The following ABCC9 variants were observed in gnomAD, a reference collection of about 807,000 sequenced individuals.
The protein encoded by ABCC9 is ATP binding cassette subfamily C member 9, also known as ATP-binding cassette sub-family C member 9.
A neutral mutation model predicts 188.3 loss-of-function variants in ABCC9; 95 were observed. The observed-to-expected ratio is 0.50, with a 90% CI of 0.43 to 0.60. The LOEUF (loss-of-function observed/expected upper bound fraction) is 0.60. Ranked by LOEUF, ABCC9 falls within the 20% of genes least tolerant of loss-of-function variation. The pLI is 0.00. For missense variants in ABCC9, 1,102 were observed against 1,876.3 expected, an observed-to-expected ratio of 0.59 and a Z score of 7.62; for synonymous variants, 659 against 652.7, an observed-to-expected ratio of 1.01 and a Z score of -0.15.
At chr12:21,890,820 T>C (rs1251327478) in intron 14 of ABCC9, among the ~76,000 whole-genome samples, 2 of 94,722 alleles carry the variant, frequency 2.1e-5, no homozygotes, top group Admixed American at 1.3e-4. Context: ...GGGACTGTTG[T>C]GGGGTGGGGG....
At chr12:21,888,090 C>A in intron 14 of ABCC9, 156 bp from the exon 15 acceptor site, 1 of 670,134 alleles carries the variant, frequency 1.5e-6, no homozygotes, top group Non-Finnish European at 2.7e-6. Context: ...CTAGATCGAC[C>A]AAACATCCTA....
intron 22 of ABCC9, among the ~76,000 whole-genome samples, chr12:21,857,993 G>C (rs553793308): frequency 3.9e-5 from 6 of 152,296 alleles, no homozygotes; most frequent in African/African-American, 1.4e-4. Flanking sequence ...TCTTCAGGGA[G>C]AGTCATCGAG....
intron 36 of ABCC9, 143 bp from the exon 37 acceptor site, chr12:21,810,098 C>T: frequency 1.6e-6 from 1 of 635,210 alleles, no homozygotes; most frequent in South Asian, 1.8e-5. Context: ...GAACAGTGCC[C>T]AGAGCAGTGC....
intron 17 of ABCC9, among the ~76,000 whole-genome samples, chr12:21,874,338 T>TA (rs1196744664): frequency 1.3e-5 from 2 of 151,874 alleles, no homozygotes; most frequent in East Asian, 1.9e-4. Context: ...ATGGCTGTAA[T>TA]AAAAAAACAT....
chr12:21,818,499 T>C (rs1942812811), intron 31 of ABCC9, among the ~76,000 whole-genome samples: 1 of 143,588 alleles, frequency 7.0e-6, no homozygotes, highest in African/African-American at 2.6e-5. Context: ...TATATATATC[T>C]ATATATAACT....
chr12:21,827,870 T>C (rs1943479732), intron 31 of ABCC9, among the ~76,000 whole-genome samples: 1 of 152,212 alleles, frequency 6.6e-6, no homozygotes, highest in Non-Finnish European at 1.5e-5. Context: ...TGTAAACCAG[T>C]GAGAAATCAT....
chr12:21,934,478 TTGA>T (rs747329855), intron 3 of ABCC9, among the ~76,000 whole-genome samples: 2 of 152,114 alleles, frequency 1.3e-5, no homozygotes, highest in Non-Finnish European at 2.9e-5. Context: ...GCTAAATTTC[TTGA>T]TGATGAGCTT....
At chr12:21,838,693 T>G (rs1055991623) in intron 29 of ABCC9, among the ~76,000 whole-genome samples, 8 of 152,034 alleles carry the variant, frequency 5.3e-5, no homozygotes, top group African/African-American at 1.9e-4. Context: ...GACAGTGGAT[T>G]GTAGAAACAT....
chr12:21,918,734 T>C (rs1412486957), intron 5 of ABCC9, among the ~76,000 whole-genome samples: 1 of 152,110 alleles, frequency 6.6e-6, no homozygotes, highest in Non-Finnish European at 1.5e-5. Flanking sequence ...CTGGGTCTGC[T>C]GGCTCAATAA....
chr12:21,921,200 G>T (rs114000038), intron 5 of ABCC9, among the ~76,000 whole-genome samples: 1,679 of 151,990 alleles, frequency 0.011, 27 homozygotes, highest in African/African-American at 0.036. Context: ...AGTGTACAAG[G>T]GTTTCCTTTT....
At chr12:21,893,906 T>C in intron 14 of ABCC9, 126 bp downstream of exon 14, 1 of 1,016,144 alleles carries the variant, frequency 9.8e-7, no homozygotes. Flanking sequence ...CATACCACAA[T>C]TTTAACAATG....
intron 14 of ABCC9, among the ~76,000 whole-genome samples, chr12:21,889,244 TTAGGAAG>T (rs1180892956): frequency 2.6e-5 from 4 of 152,156 alleles, no homozygotes; most frequent in Non-Finnish European, 4.4e-5. Flanking sequence ...AGGTAATTAT[TTAGGAAG>T]AGCTTCAGTT....
chr12:21,858,669 T>G (rs1175308766), intron 22 of ABCC9, among the ~76,000 whole-genome samples: 3 of 152,158 alleles, frequency 2.0e-5, no homozygotes, highest in African/African-American at 7.2e-5. Context: ...GGGAATAACT[T>G]TGGAGACAGG....
In ABCC9 at chr12:21,800,921, C is replaced by A. The variant is rs1941396335; in HGVS notation, c.*123G>T. The A allele has an allele frequency of 8.7e-7, 1 of 1,148,776 alleles. No homozygotes were observed. The highest frequency in any genetic ancestry group is 1.2e-6 in the Non-Finnish European group (1 of 802,312). The allele number at this position is 1,148,776 out of a possible 1,614,324, so 71.2% of individuals were successfully genotyped here. A position where few individuals can be genotyped will look rare whatever the true frequency, so the allele number is the denominator to read the frequency against. ...TTTAAAAACAGGAAAAATAAATGTC[C>A]ACTTTTTGTGCAAAAATCTGTAAAA... On this transcript the variant is annotated 3_prime_UTR_variant, in exon 40 of 40. Coordinates refer to ENST00000261200, the MANE Select transcript of ABCC9 (RefSeq NM_020297.4).
chr12:21,899,895 C>G (rs932062446), intron 12 of ABCC9, among the ~76,000 whole-genome samples: 1 of 152,156 alleles, frequency 6.6e-6, no homozygotes, highest in Non-Finnish European at 1.5e-5. Context: ...CAGGGCATAG[C>G]CAAACAAAAG....
At chr12:21,850,333 C>A (rs1168801667) in intron 24 of ABCC9, among the ~76,000 whole-genome samples, 1 of 152,186 alleles carries the variant, frequency 6.6e-6, no homozygotes, top group African/African-American at 2.4e-5. Flanking sequence ...TCGTAGTGGT[C>A]TTGTTCACAG....
intron 30 of ABCC9, among the ~76,000 whole-genome samples, chr12:21,836,478 C>G (rs1483136399): frequency 6.6e-6 from 1 of 152,130 alleles, no homozygotes; most frequent in East Asian, 1.9e-4. Flanking sequence ...TTTCAATATT[C>G]TATCTCCTGT....
intron 16 of ABCC9, among the ~76,000 whole-genome samples, chr12:21,882,186 G>T (rs1028398930): frequency 6.6e-6 from 1 of 152,102 alleles, no homozygotes; most frequent in Non-Finnish European, 1.5e-5. Flanking sequence ...AGCTCCCATG[G>T]ATGGAGGCCT....
At chr12:21,895,474 A>G (rs750338967) in intron 12 of ABCC9, among the ~76,000 whole-genome samples, 159 bp from the exon 13 acceptor site, 16 of 152,244 alleles carry the variant, frequency 1.1e-4, no homozygotes, top group Non-Finnish European at 2.2e-4. Context: ...ACCAGTTAAT[A>G]TCTACTTGTG....
Sources: allele counts gnomAD v4.1 joint callset (sites outside exome capture counted in the v4.1 genomes callset), GRCh38; gene constraint gnomAD v4.1.1; transcripts MANE v1.5; gene names NCBI Gene and HGNC (gene_info 2026-07-23, HGNC 2026-07-21).